ADGRB2: variants seen among roughly 807,000 people sequenced by gnomAD.
ADGRB2 encodes adhesion G protein-coupled receptor B2.
ADGRB2 carries 47 observed loss-of-function variants against 178.7 expected under a neutral mutation model. The observed-to-expected ratio is 0.26, with a 90% CI of 0.21 to 0.34. The LOEUF is 0.34. ADGRB2 is among the 10% of genes least tolerant of loss of function. The pLI, the probability that ADGRB2 is intolerant of heterozygous loss-of-function variation, is 1.00. For missense variants in ADGRB2, 1,584 were observed against 2,180.8 expected, an observed-to-expected ratio of 0.73 and a Z score of 5.45; for synonymous variants, 870 against 912.4, an observed-to-expected ratio of 0.95 and a Z score of 0.84.
Position 31,756,784 on chromosome 1 carries a change from G to C in ADGRB2, c.53C>G (p.Pro18Arg). Residue 18 changes from proline (P) to arginine (R), a missense_variant, in exon 4 of 33, where the codon CCC (proline) becomes CGC (arginine). Transcript: ENST00000373658. The surrounding 1 kb of genome is among the most constrained non-coding windows in gnomAD (Gnocchi z 8.5). ...GGACAGAATCACAGACAGTAAGAGG[G>C]GACAGGCTGGGGTCATCCTATGTCC... ...GKGHRMTPAC[P>R]LLLSVILSLR... 1 of 1,501,960 alleles carries C rather than the reference G, an allele frequency of 6.7e-7. No homozygotes were observed. The highest frequency in any genetic ancestry group is 8.9e-7 in the Non-Finnish European group (1 of 1,122,028). The allele number at this position is 1,501,960 out of a possible 1,614,324, so 93.0% of individuals were successfully genotyped here.
At chr1:31,732,297 A>T (rs1645328818) in intron 27 of ADGRB2, 143 bp from the exon 28 acceptor site, 1 of 1,310,336 alleles carries the variant, frequency 7.6e-7, no homozygotes, top group Non-Finnish European at 1.1e-6. Flanking sequence ...GGCCCAGCAG[A>T]GCCCAGGCAT....
chr1:31,732,472 G>A lies in ADGRB2; in HGVS notation c.3720+45C>T, dbSNP rs1353439522. On this transcript the variant is annotated intron_variant, in intron 27 of 32. Transcript: ENST00000373658. Reference sequence around the variant, plus strand: ...TCTAGGGCAGGAGGATTGGGGTGGGGGGTGCCCAGAATCTGCCCAGGCCCT... The same window carrying A: ...TCTAGGGCAGGAGGATTGGGGTGGGAGGTGCCCAGAATCTGCCCAGGCCCT... The A allele has an allele frequency of 5.0e-6, 8 of 1,596,554 alleles. No individual in the cohort carries two copies. The East Asian group carries it at 8.9e-5, about 18-fold the overall frequency.
In ADGRB2 at chr1:31,763,758, G is replaced by A. The variant is rs1298757660; in HGVS notation, c.-191+126C>T. The A allele has an allele frequency of 5.1e-6, 5 of 978,718 alleles. No individual in the cohort carries two copies. The African/African-American group carries it at 7.0e-5, about 14-fold the overall frequency. 60.6% of individuals were successfully genotyped at this position (978,718 alleles called of 1,614,324 possible). A position where few individuals can be genotyped will look rare whatever the true frequency, so the allele number is the denominator to read the frequency against. ...CGAACGCTGAACGAACTCAGTTCGGGCTGGGGGAGAATTCAGCAGAGACGG... is the reference window on the plus strand; with the variant it reads ...CGAACGCTGAACGAACTCAGTTCGGACTGGGGGAGAATTCAGCAGAGACGG... On this transcript the variant is annotated intron_variant, in intron 1 of 32. Coordinates refer to ENST00000373658, the MANE Select transcript of ADGRB2 (RefSeq NM_001364857.2).
rs1265481289 is a variant in ADGRB2 at position 31,740,893 on chromosome 1, GCGCACA to G, written c.1795-358_1795-353del. Among the ~76,000 whole-genome samples, 2 of 33,714 alleles carry G rather than the reference GCGCACA, an allele frequency of 5.9e-5. No homozygotes were observed. The highest frequency in any genetic ancestry group is 1.5e-4 in the African/African-American group (2 of 13,018). The allele number at this position is 33,714 out of a possible 152,430, so 22.1% of individuals were successfully genotyped here. On this transcript the variant is annotated intron_variant, in intron 11 of 32. Transcript: ENST00000373658. The surrounding 1 kb of genome is among the most constrained non-coding windows in gnomAD (Gnocchi z 5.9). ...GTAATGAGCATGTGTGTGGGCGCGC[GCGCACA>G]CACACACACACACACACACACACAC...
At position 31,735,341 on chromosome 1, in the gene ADGRB2, G is replaced by T; in HGVS notation, c.3354-60C>A. 7.4e-7 allele frequency: 1 copy of T among 1,346,738 alleles called. No individual in the cohort carries two copies. The highest frequency in any genetic ancestry group is 1.0e-6 in the Non-Finnish European group (1 of 980,672). 83.4% of individuals were successfully genotyped at this position (1,346,738 alleles called of 1,614,324 possible). A position where few individuals can be genotyped will look rare whatever the true frequency, so the allele number is the denominator to read the frequency against. On this transcript the variant is annotated intron_variant, in intron 24 of 32. Coordinates refer to ENST00000373658, the MANE Select transcript of ADGRB2 (RefSeq NM_001364857.2). This position sits in a 1 kb window ranked among gnomAD's most constrained non-coding sequence, Gnocchi z 6.0. Reference sequence around the variant, plus strand: ...AAACACATGGGAAGCCGGGAGATGGGGCAGAATGAGCCCCGAGTGGGGTGG... The same window carrying T: ...AAACACATGGGAAGCCGGGAGATGGTGCAGAATGAGCCCCGAGTGGGGTGG...
chr1:31,744,418 G>T lies in ADGRB2; in HGVS notation c.923-61C>A. The stretch of plus-strand genomic sequence containing the variant: ...CCTCCCAAGCACTCAGTCTCATAGG[G>T]ATAGGGGGAGTGGCAGTAAGGTGGG... On this transcript the variant is annotated intron_variant, in intron 5 of 32. Coordinates refer to ENST00000373658, the MANE Select transcript of ADGRB2 (RefSeq NM_001364857.2). The surrounding 1 kb of genome is among the most constrained non-coding windows in gnomAD (Gnocchi z 6.7). 6.5e-7 allele frequency: 1 copy of T among 1,533,772 alleles called. No homozygotes were observed. Among genetic ancestry groups the T allele is most frequent in the South Asian group, 1.2e-5 (1 of 83,146 alleles).
chr1:31,756,340 G>GC lies in ADGRB2; in HGVS notation c.496_497insG (p.Pro166ArgfsTer29). ...CGCCAGCAGGCGCGGGGCCTCGGAG[G>GC]GCTCAGCCGACAGGCACAGCTGCAC... On this transcript the variant is annotated frameshift_variant, in exon 4 of 33. Coordinates refer to ENST00000373658, the MANE Select transcript of ADGRB2 (RefSeq NM_001364857.2). LOFTEE classifies it high-confidence loss of function. This position sits in a 1 kb window ranked among gnomAD's most constrained non-coding sequence, Gnocchi z 8.5. 2 of 1,612,966 alleles carry GC rather than the reference G, an allele frequency of 1.2e-6. No homozygotes were observed. Among genetic ancestry groups the GC allele is most frequent in the Non-Finnish European group, 8.5e-7 (1 of 1,179,964 alleles).
intron 26 of ADGRB2, 68 bp downstream of exon 26, chr1:31,732,904 C>T (rs1557737815): frequency 1.3e-6 from 2 of 1,511,510 alleles, no homozygotes; most frequent in East Asian, 2.5e-5. Flanking sequence ...CCGGTCTGCA[C>T]AGTGAGGAGA....
Position 31,735,153 on chromosome 1 carries a change from C to A in ADGRB2, c.3452+30G>T. The stretch of plus-strand genomic sequence containing the variant: ...CCCCCAATTCCTTTGCCCCACCCAC[C>A]CCCACCGCCCCCCAGGGGGCACGAC... On this transcript the variant is annotated intron_variant, in intron 25 of 32. Coordinates refer to ENST00000373658, the MANE Select transcript of ADGRB2 (RefSeq NM_001364857.2). The surrounding 1 kb of genome is among the most constrained non-coding windows in gnomAD (Gnocchi z 6.0). 1 of 1,416,406 alleles carries A rather than the reference C, an allele frequency of 7.1e-7. No individual in the cohort carries two copies. Among genetic ancestry groups the A allele is most frequent in the Admixed American group, 3.0e-5 (1 of 33,778 alleles). The allele number at this position is 1,416,406 out of a possible 1,614,324, so 87.7% of individuals were successfully genotyped here. A position where few individuals can be genotyped will look rare whatever the true frequency, so the allele number is the denominator to read the frequency against.
At chr1:31,742,005 C>A (rs1163986488) in intron 8 of ADGRB2, 38 bp from the exon 9 acceptor site, 1 of 1,582,968 alleles carries the variant, frequency 6.3e-7, no homozygotes, top group South Asian at 1.2e-5. Flanking sequence ...GGCCCAGGTA[C>A]CCCCATGGTC....
rs1212591205 is a variant in ADGRB2, at chr1:31,750,962, C to A, written c.838+5037G>T. Among the ~76,000 whole-genome samples the A allele has an allele frequency of 3.9e-5, 6 of 152,232 alleles. No homozygotes were observed. The East Asian group carries it at 5.8e-4, about 15-fold the overall frequency. ...ACAGAGAGCTGGGTCCCTGCCACCT[C>A]CCCCATGTGGCCAGAAGCTCCTCGA... On this transcript the variant is annotated intron_variant, in intron 4 of 32. Coordinates refer to ENST00000373658, the MANE Select transcript of ADGRB2 (RefSeq NM_001364857.2).
intron 4 of ADGRB2, among the ~76,000 whole-genome samples, chr1:31,746,361 A>G (rs1646271721): frequency 6.6e-6 from 1 of 151,892 alleles, no homozygotes; most frequent in South Asian, 2.1e-4. Context: ...CTGCAGTTCC[A>G]CTTGGCCCCT....
Position 31,758,189 on chromosome 1 carries a change from C to A in ADGRB2, c.-190-678G>T, listed in dbSNP as rs556952361. 6.6e-6 allele frequency among the ~76,000 whole-genome samples: 1 copy of A among 152,216 alleles called. No homozygotes were observed. Among genetic ancestry groups the A allele is most frequent in the Non-Finnish European group, 1.5e-5 (1 of 68,034 alleles). On this transcript the variant is annotated intron_variant, in intron 1 of 32. Coordinates refer to ENST00000373658, the MANE Select transcript of ADGRB2 (RefSeq NM_001364857.2). This position sits in a 1 kb window ranked among gnomAD's most constrained non-coding sequence, Gnocchi z 4.2. ...AGGATAGCTCACAGCACTGCATGGG[C>A]CCCCTAGAGCCCAGCTGGTCCTCAT...
In ADGRB2 at chr1:31,761,106, C is replaced by T. The variant is rs1049047209; in HGVS notation, c.-191+2778G>A. On this transcript the variant is annotated intron_variant, in intron 1 of 32. Coordinates refer to ENST00000373658, the MANE Select transcript of ADGRB2 (RefSeq NM_001364857.2). The surrounding 1 kb of genome is among the most constrained non-coding windows in gnomAD (Gnocchi z 4.2). ...CCCGGAACTTTGCAGCAGCTGGAGC[C>T]GCCGTTGCTACAGGAACCGAATGCT... 6.6e-6 allele frequency: 1 copy of T among 152,250 alleles called. No individual in the cohort carries two copies. The highest frequency in any genetic ancestry group is 2.4e-5 in the African/African-American group (1 of 41,464). 9.4% of individuals were successfully genotyped at this position (152,250 alleles called of 1,614,324 possible).
intron 17 of ADGRB2, 53 bp downstream of exon 17, chr1:31,738,534 C>A: frequency 6.4e-7 from 1 of 1,572,030 alleles, no homozygotes; most frequent in East Asian, 2.3e-5. Flanking sequence ...CCCTTTCTGG[C>A]AAAGGGCCCT....
rs764343443 is a variant in ADGRB2 at position 31,727,913 on chromosome 1, G to A, written c.4572+112C>T. 2.6e-5 allele frequency: 36 copies of A among 1,360,570 alleles called. No homozygotes were observed. The highest frequency in any genetic ancestry group is 1.3e-4 in the East Asian group (5 of 39,804). The allele number at this position is 1,360,570 out of a possible 1,614,324, so 84.3% of individuals were successfully genotyped here. A position where few individuals can be genotyped will look rare whatever the true frequency, so the allele number is the denominator to read the frequency against. ...GCGGCCCCAGACTGTTGCCCATGCC[G>A]TGGGGGAGGCCCTTGGTGAGACAGG... On this transcript the variant is annotated intron_variant, in intron 32 of 32. Coordinates refer to ENST00000373658, the MANE Select transcript of ADGRB2 (RefSeq NM_001364857.2). The surrounding 1 kb of genome is among the most constrained non-coding windows in gnomAD (Gnocchi z 4.4).
Position 31,728,748 on chromosome 1 carries a change from C to T in ADGRB2, c.4381-115G>A. ...GGGTCTGCCCGCTGCACCTTCCCCC[C>T]AACCCAGGCCCAGAAGTTGCGGACC... On this transcript the variant is annotated intron_variant, in intron 29 of 32. Transcript: ENST00000373658. This position sits in a 1 kb window ranked among gnomAD's most constrained non-coding sequence, Gnocchi z 6.7. 7.7e-7 allele frequency: 1 copy of T among 1,293,272 alleles called. No individual in the cohort carries two copies. Among genetic ancestry groups the T allele is most frequent in the Non-Finnish European group, 1.1e-6 (1 of 904,356 alleles). 80.1% of individuals were successfully genotyped at this position (1,293,272 alleles called of 1,614,324 possible).
At chr1:31,734,705 A>G (rs577758565) in intron 25 of ADGRB2, among the ~76,000 whole-genome samples, 2 of 152,280 alleles carry the variant, frequency 1.3e-5, no homozygotes, top group Non-Finnish European at 2.9e-5. Context: ...TCTGTCTCCA[A>G]TTGAGTGTGA....
Position 31,753,862 on chromosome 1 carries a change from A to G in ADGRB2, c.838+2137T>C, listed in dbSNP as rs895164112. Among the ~76,000 whole-genome samples, 2 of 152,170 alleles carry G rather than the reference A, an allele frequency of 1.3e-5. No homozygotes were observed. Among genetic ancestry groups the G allele is most frequent in the Non-Finnish European group, 2.9e-5 (2 of 68,022 alleles). ...AGCTTCCTGCCTGCCAAGGGAGGGG[A>G]AGGGGCTGTGCCAGCCCAGCTCTGG... On this transcript the variant is annotated intron_variant, in intron 4 of 32. Transcript: ENST00000373658. The surrounding 1 kb of genome is among the most constrained non-coding windows in gnomAD (Gnocchi z 4.1).
Sources: gnomAD v4.1 joint callset for allele counts (sites outside exome capture counted in the v4.1 genomes callset) on GRCh38, gnomAD v4.1.1 for gene constraint, Gnocchi (gnomAD v3.1) non-coding constraint, MANE v1.5 for transcripts, NCBI Gene and HGNC (gene_info 2026-07-23, HGNC 2026-07-21) for gene names.